SYNE1: variants seen among roughly 807,000 people sequenced by gnomAD.
SYNE1 encodes spectrin repeat containing nuclear envelope protein 1.
Under a neutral mutation model 1,111.0 loss-of-function variants are expected in SYNE1, and 616 were observed. The ratio of observed to expected loss-of-function variants is 0.55; its 90% CI spans 0.52 to 0.59. SYNE1 has a LOEUF of 0.59. Ranked by LOEUF, SYNE1 falls within the 20% of genes least tolerant of loss-of-function variation. SYNE1 has a pLI of 0.00. For synonymous variants in SYNE1, 3,855 were observed against 3,825.8 expected, an observed-to-expected ratio of 1.01 and a Z score of -0.28; for missense variants, 10,006 against 10,417.0, an observed-to-expected ratio of 0.96 and a Z score of 1.72.
At chr6:152,465,189 C>G (rs374726332) in intron 18 of SYNE1, 69 bp downstream of exon 18, 4 of 1,531,744 alleles carry the variant, frequency 2.6e-6, no homozygotes, top group Admixed American at 3.4e-5. Context: ...CCCTAGTGAG[C>G]TACGCTGTAA....
chr6:152,490,631 C>A (rs1298893906), intron 11 of SYNE1, among the ~76,000 whole-genome samples: 1 of 151,910 alleles, frequency 6.6e-6, no homozygotes, highest in African/African-American at 2.4e-5. Context: ...TATAAAACTG[C>A]CCCACCCCTA....
rs1187298115 is a variant in SYNE1 at position 152,189,372 on chromosome 6, G to C, written c.23181C>G (p.Asp7727Glu). The C allele has an allele frequency of 6.2e-7, 1 of 1,613,964 alleles. No individual in the cohort carries two copies. Among genetic ancestry groups the C allele is most frequent in the African/African-American group, 1.3e-5 (1 of 74,904 alleles). ...CCTTCAGCAGGCTCAACTGGGTCAA[G>C]TCATCTGTCCAGCTCCCAACTGCAT... The part of the protein sequence containing the change: ...LENAVGSWTD[D>E]LTQLSLLKDT... Residue 7727 changes from aspartate to glutamate, a missense_variant, in exon 128 of 146, where the codon GAC becomes GAG. By Grantham distance (45) the Asp-to-Glu change is conservative (BLOSUM62 2). This residue lies in a region of SYNE1 where 2,182 missense variants were observed against 2,287.8 expected (regional missense o/e 0.95). Coordinates refer to ENST00000367255, the MANE Select transcript of SYNE1 (RefSeq NM_182961.4).
At chr6:152,636,597 T>C in intron 2 of SYNE1, 41 bp downstream of exon 2, 1 of 153,140 alleles carries the variant, frequency 6.5e-6, no homozygotes, top group Middle Eastern at 1.7e-3. Flanking sequence ...TCTCCCTGTC[T>C]CTGTCTCTCC....
rs554941850 is a variant in SYNE1, at chr6:152,620,695, T to C, written c.67+7570A>G. Among the ~76,000 whole-genome samples, 55 of 152,272 alleles carry C rather than the reference T, an allele frequency of 3.6e-4. 1 individual carries two copies. The highest frequency in any genetic ancestry group is 3.5e-3 in the Admixed American group (54 of 15,292). On this transcript the variant is annotated intron_variant, in intron 3 of 145. Transcript: ENST00000367255. Reference sequence around the variant, plus strand: ...CTCTCCCCATCCACCGTTCAACCCATCATCTGTCTCTTGACTTGTCAAAAA... The same window carrying C: ...CTCTCCCCATCCACCGTTCAACCCACCATCTGTCTCTTGACTTGTCAAAAA...
Position 152,636,150 on chromosome 6 carries a change from G to T in SYNE1, c.-224+488C>A, listed in dbSNP as rs559747141. 3.3e-4 allele frequency among the ~76,000 whole-genome samples: 50 copies of T among 152,286 alleles called. 1 individual carries two copies. The highest frequency in any genetic ancestry group is 1.2e-3 in the African/African-American group (48 of 41,560). On this transcript the variant is annotated intron_variant, in intron 2 of 145. Transcript: ENST00000367255. ...GAAGCAACTGCACCATGACAGCGCC[G>T]CTGGAGTCTGACGCGCCAGGGCCTC...
chr6:152,331,932 T>A (rs374384557), intron 77 of SYNE1, 42 bp from the exon 78 acceptor site: 40 of 1,602,840 alleles, frequency 2.5e-5, no homozygotes, highest in Non-Finnish European at 3.4e-5. Flanking sequence ...TTAGCTGTAG[T>A]CAATATCGAT....
At position 152,427,552 on chromosome 6, in the gene SYNE1, C is replaced by T. The variant is rs927372023; in HGVS notation, c.5100+141G>A. On this transcript the variant is annotated intron_variant, in intron 38 of 145. Coordinates refer to ENST00000367255, the MANE Select transcript of SYNE1 (RefSeq NM_182961.4). ...GGTTGCTTTCTTCTTTTTGGAACACCCTGATGTCAAATGATGCTTCAGGAA... is the reference window on the plus strand; with the variant it reads ...GGTTGCTTTCTTCTTTTTGGAACACTCTGATGTCAAATGATGCTTCAGGAA... 1.7e-5 allele frequency: 17 copies of T among 1,017,272 alleles called. No individual in the cohort carries two copies. The African/African-American group carries it at 2.6e-4, about 15-fold the overall frequency. 63.0% of individuals were successfully genotyped at this position (1,017,272 alleles called of 1,614,324 possible).
At chr6:152,242,202 A>G (rs1458987968) in intron 107 of SYNE1, 38 bp downstream of exon 107, 1 of 1,558,568 alleles carries the variant, frequency 6.4e-7, no homozygotes, top group South Asian at 1.1e-5. Flanking sequence ...ATGCTTTCCA[A>G]TTACATTTTC....
At chr6:152,535,497 A>C (rs558134495) in intron 4 of SYNE1, among the ~76,000 whole-genome samples, 12 of 152,286 alleles carry the variant, frequency 7.9e-5, no homozygotes, top group Non-Finnish European at 1.6e-4. Flanking sequence ...ATTGAAAAGA[A>C]GCTCCATTTA....
chr6:152,611,346 C>A (rs986650534), intron 3 of SYNE1, among the ~76,000 whole-genome samples: 3 of 152,076 alleles, frequency 2.0e-5, no homozygotes, highest in Non-Finnish European at 2.9e-5. Context: ...GAGTTGCAAT[C>A]CTAGTTCCTG....
intron 64 of SYNE1, among the ~76,000 whole-genome samples, chr6:152,360,242 T>C (rs1290345136): frequency 6.6e-6 from 1 of 152,130 alleles, no homozygotes; most frequent in Non-Finnish European, 1.5e-5. Flanking sequence ...GCTCTGTCTC[T>C]CCATCAAACT....
chr6:152,505,505 G>C, intron 8 of SYNE1, 108 bp from the exon 9 acceptor site: 1 of 1,200,006 alleles, frequency 8.3e-7, no homozygotes, highest in Non-Finnish European at 1.2e-6. Flanking sequence ...TATGCAGAGA[G>C]CTGTATCAGT....
chr6:152,378,455 A>G (rs1403398675), intron 56 of SYNE1, among the ~76,000 whole-genome samples: 1 of 152,148 alleles, frequency 6.6e-6, no homozygotes, highest in Non-Finnish European at 1.5e-5. Context: ...TTCTCACTCT[A>G]TGCAAGAGAT....
intron 3 of SYNE1, among the ~76,000 whole-genome samples, chr6:152,617,734 A>G (rs1331416316): frequency 6.6e-6 from 1 of 152,222 alleles, no homozygotes; most frequent in Non-Finnish European, 1.5e-5. Flanking sequence ...TAATAGAAAC[A>G]TGTTCAAAGT....
At chr6:152,429,962 G>A (rs1260592510) in intron 36 of SYNE1, 150 bp downstream of exon 36, 2 of 622,378 alleles carry the variant, frequency 3.2e-6, no homozygotes, top group African/African-American at 3.7e-5. Context: ...ATTATATAAA[G>A]TGAATACATT....
intron 128 of SYNE1, among the ~76,000 whole-genome samples, chr6:152,185,739 G>A (rs1025227696): frequency 1.1e-4 from 16 of 152,210 alleles, no homozygotes; most frequent in African/African-American, 2.9e-4. Context: ...ACAGCATATC[G>A]CATGATCAAC....
chr6:152,625,997 A>G (rs2099684867), intron 3 of SYNE1, among the ~76,000 whole-genome samples: 1 of 152,220 alleles, frequency 6.6e-6, no homozygotes. Context: ...TAAATAGGGC[A>G]TCCACTGTCA....
intron 95 of SYNE1, among the ~76,000 whole-genome samples, chr6:152,289,140 GTCT>G (rs2094463284): frequency 6.6e-6 from 1 of 152,102 alleles, no homozygotes; most frequent in Non-Finnish European, 1.5e-5. Flanking sequence ...CATCAAATAT[GTCT>G]TCAGTCCCAT....
At chr6:152,219,709 A>G (rs1437225003) in intron 119 of SYNE1, among the ~76,000 whole-genome samples, 1 of 152,150 alleles carries the variant, frequency 6.6e-6, no homozygotes, top group Non-Finnish European at 1.5e-5. Flanking sequence ...CTCCTATCTC[A>G]GTAGGGTACA....
Sources: gnomAD v4.1 joint callset for allele counts (sites outside exome capture counted in the v4.1 genomes callset) on GRCh38, gnomAD v4.1.1 for gene constraint, gnomAD v4.1.1 regional missense constraint, MANE v1.5 for transcripts, NCBI Gene and HGNC (gene_info 2026-07-23, HGNC 2026-07-21) for gene names.